ARHGAP23: variants seen among roughly 807,000 people sequenced by gnomAD.
The protein encoded by ARHGAP23 is rho GTPase-activating protein 23.
Under a neutral mutation model 136.3 loss-of-function variants are expected in ARHGAP23, and 34 were observed. The ratio of observed to expected loss-of-function variants is 0.25; its 90% confidence interval spans 0.19 to 0.33. The LOEUF (loss-of-function observed/expected upper bound fraction) is 0.33. Ranked by LOEUF, ARHGAP23 falls within the 10% of genes least tolerant of loss-of-function variation. ARHGAP23 has a pLI of 1.00. For missense variants in ARHGAP23, 1,808 were observed against 2,139.0 expected, an observed-to-expected ratio of 0.85 and a Z score of 3.05; for synonymous variants, 832 against 920.5, an observed-to-expected ratio of 0.90 and a Z score of 1.74.
Position 38,477,786 on chromosome 17 carries a change from T to G in ARHGAP23, c.2326T>G (p.Phe776Val). Residue 776 changes from phenylalanine to valine, a missense_variant, in exon 12 of 24, where the codon TTC becomes GTC. By Grantham distance (50) the Phe-to-Val change is conservative. Around this residue, in one of 7 missense-constraint regions of ARHGAP23, gnomAD observed 139 missense variants for 264.3 expected, o/e 0.53. Coordinates refer to ENST00000622683, the MANE Select transcript of ARHGAP23 (RefSeq NM_001199417.2). This position sits in a 1 kb window ranked among gnomAD's most constrained non-coding sequence, Gnocchi z 6.6. ...CAGCGAGACCAAGAGGAGGCACGTG[T>G]TCCGGCTGACCACCGCTGACTTCTG... The part of the protein sequence containing the change: ...SYSETKRRHV[F>V]RLTTADFCEY... 1 of 1,549,756 alleles carries G rather than the reference T, an allele frequency of 6.5e-7. No homozygotes were observed. Among genetic ancestry groups the G allele is most frequent in the Non-Finnish European group, 8.7e-7 (1 of 1,146,392 alleles).
At position 38,469,995 on chromosome 17, in the gene ARHGAP23, G is replaced by T. The variant is rs535046163; in HGVS notation, c.1974+91G>T. 16 of 1,449,794 alleles carry T rather than the reference G, an allele frequency of 1.1e-5. 1 individual carries two copies. In the East Asian group the frequency reaches 4.0e-4, roughly 36 times the overall value. 89.8% of individuals were successfully genotyped at this position (1,449,794 alleles called of 1,614,324 possible). ...GTGGGGCCACAGCCTCGGCATGGGG[G>T]TTCCTGCTCCAGCTCCTGCCTTCCT... On this transcript the variant is annotated intron_variant, in intron 10 of 23. Coordinates refer to ENST00000622683, the MANE Select transcript of ARHGAP23 (RefSeq NM_001199417.2).
chr17:38,456,674 C>T (rs1255090651), intron 1 of ARHGAP23, among the ~76,000 whole-genome samples: 1 of 152,198 alleles, frequency 6.6e-6, no homozygotes, highest in Non-Finnish European at 1.5e-5. Flanking sequence ...CCGTGGCTCC[C>T]ATCTTCCCCA....
chr17:38,433,722 A>G (rs2038732703), intron 1 of ARHGAP23, among the ~76,000 whole-genome samples: 1 of 152,130 alleles, frequency 6.6e-6, no homozygotes, highest in East Asian at 1.9e-4. Context: ...GTTGGCTGCT[A>G]TGGTTTGGAC....
At chr17:38,453,107 G>T (rs561907619) in intron 1 of ARHGAP23, among the ~76,000 whole-genome samples, 8 of 152,360 alleles carry the variant, frequency 5.3e-5, no homozygotes, top group African/African-American at 1.7e-4. Flanking sequence ...TCCCTGTGGG[G>T]TATGTGTGGA....
At chr17:38,435,920 C>T (rs927308868) in intron 1 of ARHGAP23, among the ~76,000 whole-genome samples, 5 of 152,212 alleles carry the variant, frequency 3.3e-5, no homozygotes, top group African/African-American at 9.6e-5. Flanking sequence ...TCTTATAAAT[C>T]TCCCTTTCCT....
At chr17:38,471,175 ACTC>A (rs1271772534) in intron 10 of ARHGAP23, among the ~76,000 whole-genome samples, 1 of 149,488 alleles carries the variant, frequency 6.7e-6, no homozygotes, top group African/African-American at 2.5e-5. Flanking sequence ...CTGATCTTGA[ACTC>A]CTGACCTCAA....
intron 23 of ARHGAP23, among the ~76,000 whole-genome samples, chr17:38,506,238 CTG>C (rs1287686754): frequency 1.3e-5 from 2 of 152,164 alleles, no homozygotes; most frequent in Admixed American, 1.3e-4. Context: ...CACAAATGCC[CTG>C]TGAGTTAGAG....
Position 38,510,894 on chromosome 17 carries a change from C to G in ARHGAP23, c.4398C>G (p.Pro1466=), listed in dbSNP as rs2040749555. ...CGTCGTCCGCTGCCTCGCAGCCGCC[C>G]GCGCCCGGGGACACGGGGTCCCTGC... The part of the protein sequence containing the change: ...RAPSSAASQP[P]APGDTGSLQS... Residue 1466 remains proline, a synonymous_variant, in exon 24 of 24, where the codon CCC becomes CCG. Transcript: ENST00000622683. This position sits in a 1 kb window ranked among gnomAD's most constrained non-coding sequence, Gnocchi z 4.6. 2 of 1,491,302 alleles carry G rather than the reference C, an allele frequency of 1.3e-6. No homozygotes were observed. Among genetic ancestry groups the G allele is most frequent in the South Asian group, 2.5e-5 (2 of 79,238 alleles). 92.4% of individuals were successfully genotyped at this position (1,491,302 alleles called of 1,614,324 possible).
At chr17:38,490,220 C>T (rs1219803766) in intron 18 of ARHGAP23, 45 bp downstream of exon 18, 53 of 1,522,792 alleles carry the variant, frequency 3.5e-5, no homozygotes, top group Non-Finnish European at 4.6e-5. Context: ...GGGCAGCTGC[C>T]TGAGCACCTC....
chr17:38,510,311 G>A lies in ARHGAP23; in HGVS notation c.3815G>A (p.Gly1272Glu), dbSNP rs1164728337. Residue 1272 changes from glycine (G) to glutamate (E), a missense_variant, in exon 24 of 24, where the codon GGG becomes GAG. Coordinates refer to ENST00000622683, the MANE Select transcript of ARHGAP23 (RefSeq NM_001199417.2). The surrounding 1 kb of genome is among the most constrained non-coding windows in gnomAD (Gnocchi z 4.6). ...SGASGRRAGA[G>E]DEADDERSEL... ...GCTAGCGGTCGGCGGGCAGGGGCGG[G>A]GGATGAGGCGGACGACGAGCGTAGC... is the stretch of plus-strand genomic sequence containing the variant. 7.8e-7 allele frequency: 1 copy of A among 1,279,334 alleles called. No individual in the cohort carries two copies. Among genetic ancestry groups the A allele is most frequent in the South Asian group, 2.7e-5 (1 of 36,462 alleles). The allele number at this position is 1,279,334 out of a possible 1,614,324, so 79.2% of individuals were successfully genotyped here. A position where few individuals can be genotyped will look rare whatever the true frequency, so the allele number is the denominator to read the frequency against.
intron 19 of ARHGAP23, among the ~76,000 whole-genome samples, chr17:38,491,129 A>T (rs932965617): frequency 6.6e-6 from 1 of 151,968 alleles, no homozygotes; most frequent in Non-Finnish European, 1.5e-5. Context: ...CATGTTTCCT[A>T]CTGCAGGGTC....
intron 7 of ARHGAP23, among the ~76,000 whole-genome samples, chr17:38,468,711 G>A (rs2039671918): frequency 6.6e-6 from 1 of 152,212 alleles, no homozygotes; most frequent in South Asian, 2.1e-4. Context: ...CCCTTGAGGA[G>A]CCCCAGCTGA....
At chr17:38,439,827 T>G (rs1207984782) in intron 1 of ARHGAP23, among the ~76,000 whole-genome samples, 1 of 151,516 alleles carries the variant, frequency 6.6e-6, no homozygotes, top group African/African-American at 2.4e-5. Flanking sequence ...CAGGCTGGAG[T>G]GCGGTGGCGC....
Position 38,458,158 on chromosome 17 carries a change from G to A in ARHGAP23, c.120G>A (p.Gly40=), listed in dbSNP as rs2039374018. Residue 40 remains glycine (G), a synonymous_variant, in exon 2 of 24, where the codon GGG becomes GGA. Transcript: ENST00000622683. The part of the protein sequence containing the change: ...CSPRRPFPWQ[G]PRTLLLYKSP... ...CTAGGCGCCCCTTCCCCTGGCAGGG[G>A]CCGAGGACGCTGCTGCTGTACAAAA... is the stretch of plus-strand genomic sequence containing the variant. 2 of 1,536,008 alleles carry A rather than the reference G, an allele frequency of 1.3e-6. No individual in the cohort carries two copies. Among genetic ancestry groups the A allele is most frequent in the South Asian group, 1.2e-5 (1 of 84,056 alleles).
chr17:38,485,035 A>T (rs541941484), intron 16 of ARHGAP23, among the ~76,000 whole-genome samples: 142 of 152,226 alleles, frequency 9.3e-4, no homozygotes, highest in Non-Finnish European at 1.8e-3. Context: ...CTTGGTTGCA[A>T]TGTGGGGTGA....
intron 23 of ARHGAP23, among the ~76,000 whole-genome samples, chr17:38,508,913 G>A (rs2040692375): frequency 6.6e-6 from 1 of 151,990 alleles, no homozygotes; most frequent in South Asian, 2.1e-4. Flanking sequence ...GTGTGGTGTT[G>A]GACAGGGAGG....
At chr17:38,506,805 G>A (rs757803905) in intron 23 of ARHGAP23, among the ~76,000 whole-genome samples, 8 of 152,138 alleles carry the variant, frequency 5.3e-5, no homozygotes, top group East Asian at 1.9e-4. Flanking sequence ...GGAGGTACAC[G>A]ATTTAGTCCA....
Position 38,463,316 on chromosome 17 carries a change from C to T in ARHGAP23, c.429-12C>T, listed in dbSNP as rs1177621563. The stretch of plus-strand genomic sequence containing the variant: ...TCCTTGACCCAGCCTGACGTTCTGC[C>T]TGTCTCTGTAGTGATGACACTCTGG... On this transcript the variant is annotated splice_polypyrimidine_tract_variant and intron_variant, in intron 5 of 23. Coordinates refer to ENST00000622683, the MANE Select transcript of ARHGAP23 (RefSeq NM_001199417.2). 2 of 1,551,570 alleles carry T rather than the reference C, an allele frequency of 1.3e-6. No individual in the cohort carries two copies. The highest frequency in any genetic ancestry group is 1.4e-5 in the African/African-American group (1 of 73,036).
upstream of ARHGAP23, among the ~76,000 whole-genome samples, chr17:38,425,654 T>G (rs2038562232): frequency 6.6e-6 from 1 of 152,118 alleles, no homozygotes. Context: ...CTCCCCATGT[T>G]GGGCTCTATG....
Sources: allele counts gnomAD v4.1 joint callset (sites outside exome capture counted in the v4.1 genomes callset), GRCh38; gene constraint gnomAD v4.1.1; regional missense constraint gnomAD v4.1.1; non-coding constraint Gnocchi (gnomAD v3.1); transcripts MANE v1.5; gene names NCBI Gene and HGNC (gene_info 2026-07-23, HGNC 2026-07-21).